Variants in ULK4 observed in about 807,000 individuals in gnomAD.
ULK4 encodes the protein inactive serine/threonine-protein kinase ULK4.
A neutral mutation model predicts 160.6 loss-of-function variants in ULK4; 133 were observed. That is an observed-to-expected ratio of 0.83 (90% CI 0.72 to 0.96). The LOEUF is 0.96. Among genes scored for constraint, ULK4 ranks in the 40% least tolerant of loss-of-function variants. The pLI, the probability that ULK4 is intolerant of heterozygous loss-of-function variation, is 0.00. For missense variants in ULK4, 1,580 were observed against 1,499.5 expected (o/e 1.05, Z -0.89); for synonymous variants, 534 against 539.8 (o/e 0.99, Z 0.15).
At chr3:41,943,212 CA>C (rs71288051) in intron 2 of ULK4, among the ~76,000 whole-genome samples, 1,637 of 95,526 alleles carry the variant, frequency 0.017, 37 homozygotes, top group East Asian at 0.16. Flanking sequence ...GACTCCATCT[CA>C]AAAAAAAAAA....
At chr3:41,940,453 T>C (rs1699915092) in intron 2 of ULK4, among the ~76,000 whole-genome samples, 1 of 152,070 alleles carries the variant, frequency 6.6e-6, no homozygotes, top group African/African-American at 2.4e-5. Flanking sequence ...AGTAACAGTT[T>C]TAACACAAGC....
chr3:41,948,820 A>C (rs1394806400), intron 2 of ULK4, among the ~76,000 whole-genome samples: 1 of 152,098 alleles, frequency 6.6e-6, no homozygotes, highest in Non-Finnish European at 1.5e-5. Flanking sequence ...CAACATACTC[A>C]ATGGTGAAAG....
intron 32 of ULK4, among the ~76,000 whole-genome samples, chr3:41,509,010 T>C (rs755385302): frequency 2.0e-5 from 3 of 152,070 alleles, no homozygotes; most frequent in Non-Finnish European, 4.4e-5. Flanking sequence ...AGAAGGTTAA[T>C]TATTAAGCTA....
chr3:41,366,548 T>TATACACACACACAC (rs1553648975), intron 35 of ULK4, among the ~76,000 whole-genome samples: 15 of 148,690 alleles, frequency 1.0e-4, no homozygotes, highest in African/African-American at 3.5e-4. Flanking sequence ...AAAATATGGC[T>TATACACACACACAC]ACACACACAC....
chr3:41,261,041 G>A (rs942518878), intron 35 of ULK4, among the ~76,000 whole-genome samples: 9 of 152,206 alleles, frequency 5.9e-5, no homozygotes, highest in Admixed American at 3.9e-4. Flanking sequence ...GGGCAGCGAT[G>A]AGTCTCCATG....
chr3:41,954,529 A>G (rs1700419516), intron 2 of ULK4, 93 bp downstream of exon 2: 2 of 1,408,868 alleles, frequency 1.4e-6, no homozygotes, highest in East Asian at 4.6e-5. Flanking sequence ...GGCATTTGAT[A>G]TATCAAATTC....
chr3:41,504,559 AC>A (rs2085316076), intron 32 of ULK4, among the ~76,000 whole-genome samples: 1 of 152,202 alleles, frequency 6.6e-6, no homozygotes, highest in African/African-American at 2.4e-5. Context: ...GTGACAAGCT[AC>A]AAAGGGAGAA....
At chr3:41,332,814 C>A (rs571249361) in intron 35 of ULK4, among the ~76,000 whole-genome samples, 2 of 152,130 alleles carry the variant, frequency 1.3e-5, no homozygotes, top group Non-Finnish European at 2.9e-5. Context: ...CCCTTCCTTC[C>A]CCCTCTAGTA....
intron 19 of ULK4, among the ~76,000 whole-genome samples, chr3:41,819,030 A>T (rs1237804329): frequency 1.3e-5 from 2 of 152,224 alleles, no homozygotes; most frequent in African/African-American, 4.8e-5. Context: ...AAACCTCAAA[A>T]TGGCAATCTG....
intron 34 of ULK4, among the ~76,000 whole-genome samples, chr3:41,440,778 G>T (rs2083147390): frequency 6.6e-6 from 1 of 151,942 alleles, no homozygotes; most frequent in African/African-American, 2.4e-5. Flanking sequence ...TGGCACTGGA[G>T]GCTTCCTTAT....
chr3:41,435,396 T>C (rs565791694), intron 34 of ULK4, among the ~76,000 whole-genome samples: 3 of 152,168 alleles, frequency 2.0e-5, no homozygotes, highest in Admixed American at 6.5e-5. Context: ...AAATAACTAA[T>C]AGAAGATACA....
At position 41,717,879 on chromosome 3, in the gene ULK4, C is replaced by A; in HGVS notation, c.2322-18G>T. ...TCACCAGTCTACATACAGGAAAGTG[C>A]AAAGATTACCTCTCATGATAAAACA... On this transcript the variant is annotated intron_variant, in intron 22 of 36. Coordinates refer to ENST00000301831, the MANE Select transcript of ULK4 (RefSeq NM_017886.4). 4 of 1,611,802 alleles carry A rather than the reference C, an allele frequency of 2.5e-6. No individual in the cohort carries two copies. In the South Asian group the frequency reaches 3.3e-5, roughly 13 times the overall value.
chr3:41,462,617 G>A (rs2083713926), intron 33 of ULK4, among the ~76,000 whole-genome samples: 2 of 152,150 alleles, frequency 1.3e-5, no homozygotes. Context: ...CAGTCATAAG[G>A]GAAAGAAAAT....
At position 41,423,722 on chromosome 3, in the gene ULK4, A is replaced by T. The variant is rs535447694; in HGVS notation, c.3493-25458T>A. On this transcript the variant is annotated intron_variant, in intron 34 of 36. Transcript: ENST00000301831. Reference sequence around the variant, plus strand: ...ACTGACTACGCGGTTGTCTTGACCCATGGGGAGTGAGGAAAAGCAGAGTGG... The same window carrying T: ...ACTGACTACGCGGTTGTCTTGACCCTTGGGGAGTGAGGAAAAGCAGAGTGG... Among the ~76,000 whole-genome samples, 4 of 152,210 alleles carry T rather than the reference A, an allele frequency of 2.6e-5. No individual in the cohort carries two copies. In the South Asian group the frequency reaches 8.3e-4, roughly 32 times the overall value.
At chr3:41,929,804 G>A (rs1376801128) in intron 5 of ULK4, among the ~76,000 whole-genome samples, 1 of 152,078 alleles carries the variant, frequency 6.6e-6, no homozygotes, top group Non-Finnish European at 1.5e-5. Flanking sequence ...CCTCTTCAAG[G>A]AGACTACAAA....
chr3:41,924,344 A>G (rs115086586), intron 5 of ULK4, among the ~76,000 whole-genome samples: 132 of 152,320 alleles, frequency 8.7e-4, no homozygotes, highest in African/African-American at 3.0e-3. Flanking sequence ...GGGATGTAAA[A>G]GTTAACCACC....
chr3:41,717,056 G>A (rs2037290569), intron 23 of ULK4, among the ~76,000 whole-genome samples: 1 of 152,120 alleles, frequency 6.6e-6, no homozygotes. Flanking sequence ...GTGAATGGAT[G>A]TGGAGGGATG....
At chr3:41,661,497 A>G (rs1025116928) in intron 30 of ULK4, among the ~76,000 whole-genome samples, 4 of 135,286 alleles carry the variant, frequency 3.0e-5, no homozygotes, top group African/African-American at 1.6e-4. Flanking sequence ...AGATAGACAG[A>G]TAGATAGATA....
rs375938994 is a variant in ULK4 at position 41,829,581 on chromosome 3, A to C, written c.1764+6283T>G. On this transcript the variant is annotated intron_variant, in intron 18 of 36. Transcript: ENST00000301831. ...ACTGGCCATCAGAGAAATGCAAATG[A>C]AAACCACAATGAGATACCATCTCAC... Among the ~76,000 whole-genome samples the C allele has an allele frequency of 5.9e-5, 9 of 152,318 alleles. No individual in the cohort carries two copies. The East Asian group carries it at 1.5e-3, about 26-fold the overall frequency.
Sources: gnomAD v4.1 joint callset for allele counts (sites outside exome capture counted in the v4.1 genomes callset) on GRCh38, gnomAD v4.1.1 for gene constraint, MANE v1.5 for transcripts, NCBI Gene and HGNC (gene_info 2026-07-23, HGNC 2026-07-21) for gene names.